IL17RA: variants seen among roughly 807,000 people sequenced by gnomAD.
IL17RA encodes interleukin 17 receptor A.
A neutral mutation model predicts 50.4 loss-of-function variants in IL17RA; 34 were observed. The observed-to-expected ratio is 0.67, with a 90% CI of 0.51 to 0.90. The LOEUF is 0.90. Among genes scored for constraint, IL17RA ranks in the 40% least tolerant of loss-of-function variants. The probability of loss-of-function intolerance (pLI) is 0.00; values close to 1 mark genes in which losing one functional copy is unlikely to be tolerated. For missense variants in IL17RA, 1,276 were observed against 1,169.8 expected, an observed-to-expected ratio of 1.09 and a Z score of -1.32; for synonymous variants, 585 against 510.4, an observed-to-expected ratio of 1.15 and a Z score of -1.97.
chr22:17,113,005 T>C lies in IL17RA; in HGVS notation c.*3185T>C, dbSNP rs921128886. On this transcript the variant is annotated 3_prime_UTR_variant, in exon 13 of 13. Transcript: ENST00000319363. ...TTGATCCTAGTTTTTTTTTTGTTTT[T>C]TTTTTTTTTAAGGAATAATTACTTT... 4.6e-5 allele frequency: 7 copies of C among 151,850 alleles called. No homozygotes were observed. Among genetic ancestry groups the C allele is most frequent in the Non-Finnish European group, 8.8e-5 (6 of 67,974 alleles). 9.4% of individuals were successfully genotyped at this position (151,850 alleles called of 1,614,324 possible). A position where few individuals can be genotyped will look rare whatever the true frequency, so the allele number is the denominator to read the frequency against.
chr22:17,113,543 A>T lies in IL17RA; in HGVS notation c.*3723A>T, dbSNP rs2061454017. ...ATTAAATAGGGCATAAGAGAGAAGA[A>T]GATGTACTTACAATGCAGTGGGTGG... On this transcript the variant is annotated 3_prime_UTR_variant, in exon 13 of 13. Coordinates refer to ENST00000319363, the MANE Select transcript of IL17RA (RefSeq NM_014339.7). The T allele has an allele frequency of 6.6e-6, 1 of 152,292 alleles. No homozygotes were observed. The highest frequency in any genetic ancestry group is 1.5e-5 in the Non-Finnish European group (1 of 68,070). The allele number at this position is 152,292 out of a possible 1,614,324, so 9.4% of individuals were successfully genotyped here.
intron 4 of IL17RA, 22 bp downstream of exon 4, chr22:17,098,909 G>A (rs749826619): frequency 1.9e-6 from 3 of 1,581,148 alleles, no homozygotes; most frequent in Non-Finnish European, 1.7e-6. Context: ...GCTCCTGAGT[G>A]GATTATGTTC....
At position 17,109,583 on chromosome 22, in the gene IL17RA, G is replaced by A; in HGVS notation, c.2364G>A (p.Gln788=). Residue 788 remains glutamine, a synonymous_variant, in exon 13 of 13, where the codon CAG becomes CAA. Transcript: ENST00000319363. Reference sequence around the variant, plus strand: ...CGCCCTACGAGGAGGAGCAGCGGCAGTCAGTGCAGTCTGACCAGGGCTACA... The same window carrying A: ...CGCCCTACGAGGAGGAGCAGCGGCAATCAGTGCAGTCTGACCAGGGCTACA... ...PHTPYEEEQR[Q]SVQSDQGYIS... is the part of the protein sequence containing the mutation. The A allele has an allele frequency of 6.2e-7, 1 of 1,601,584 alleles. No homozygotes were observed. The highest frequency in any genetic ancestry group is 8.5e-7 in the Non-Finnish European group (1 of 1,174,276).
At chr22:17,098,716 C>G (rs1218347461) in intron 3 of IL17RA, 59 bp from the exon 4 acceptor site, 10 of 1,379,620 alleles carry the variant, frequency 7.2e-6, no homozygotes, top group Non-Finnish European at 1.0e-5. Context: ...AAGTGACACA[C>G]CCAGCACTTG....
Position 17,108,441 on chromosome 22 carries a change from A to T in IL17RA, c.1222A>T (p.Thr408Ser), listed in dbSNP as rs142092933. Residue 408 changes from threonine to serine, a missense_variant, in exon 13 of 13, where the codon ACG (threonine) becomes TCG (serine). Thr to Ser is a moderately conservative substitution (Grantham distance 58). Transcript: ENST00000319363. ...FAQFLLTACG[T>S]EVALDLLEEQ... ...CCAGTTCCTGCTCACCGCCTGCGGC[A>T]CGGAAGTGGCCCTGGACCTGCTGGA... 14 of 1,613,892 alleles carry T rather than the reference A, an allele frequency of 8.7e-6. No homozygotes were observed. Among genetic ancestry groups the T allele is most frequent in the Non-Finnish European group, 1.2e-5 (14 of 1,180,024 alleles).
At chr22:17,088,171 G>A (rs989756011) in intron 1 of IL17RA, among the ~76,000 whole-genome samples, 7 of 152,176 alleles carry the variant, frequency 4.6e-5, no homozygotes, top group African/African-American at 1.7e-4. Context: ...AGCAGGCTGT[G>A]CTTGTAAGTT....
chr22:17,108,169 A>G (rs958840440), intron 12 of IL17RA, 138 bp from the exon 13 acceptor site: 4 of 823,348 alleles, frequency 4.9e-6, no homozygotes, highest in African/African-American at 3.5e-5. Context: ...GGTTTTTCCA[A>G]CAGGCCTCAG....
chr22:17,105,719 G>GA (rs201611352), intron 10 of IL17RA, 117 bp downstream of exon 10: 44 of 1,371,364 alleles, frequency 3.2e-5, no homozygotes, highest in Middle Eastern at 2.1e-4. Context: ...CCAGCCCGGG[G>GA]TGGGGGGTGA....
chr22:17,094,595 C>T (rs1192240643), intron 1 of IL17RA, among the ~76,000 whole-genome samples: 1 of 142,236 alleles, frequency 7.0e-6, no homozygotes, highest in African/African-American at 2.6e-5. Context: ...GTGCCCTTTG[C>T]CCCCAGCAAA....
intron 1 of IL17RA, among the ~76,000 whole-genome samples, chr22:17,090,180 G>A (rs1296464919): frequency 1.3e-5 from 2 of 152,092 alleles, no homozygotes; most frequent in Non-Finnish European, 1.5e-5. Flanking sequence ...ACGCCTCCAT[G>A]CCTGGCTAAT....
At position 17,110,917 on chromosome 22, in the gene IL17RA, C is replaced by T. The variant is rs923091249; in HGVS notation, c.*1097C>T. The T allele has an allele frequency of 3.3e-5, 5 of 152,426 alleles. No individual in the cohort carries two copies. Among genetic ancestry groups the T allele is most frequent in the East Asian group, 1.9e-4 (1 of 5,184 alleles). 9.4% of individuals were successfully genotyped at this position (152,426 alleles called of 1,614,324 possible). On this transcript the variant is annotated 3_prime_UTR_variant, in exon 13 of 13. Transcript: ENST00000319363. Reference sequence around the variant, plus strand: ...AGGCACCCAGGTCAGGGGGGATCCCCGAGGAGATGCCTGAGCTGAAGGATT... The same window carrying T: ...AGGCACCCAGGTCAGGGGGGATCCCTGAGGAGATGCCTGAGCTGAAGGATT...
intron 1 of IL17RA, among the ~76,000 whole-genome samples, chr22:17,087,872 TAC>T (rs986277535): frequency 1.1e-4 from 17 of 152,226 alleles, no homozygotes; most frequent in Non-Finnish European, 1.9e-4. Context: ...TGTATTTCAT[TAC>T]AGAGTCTTTT....
In IL17RA at chr22:17,114,004, T is replaced by C. The variant is rs2061456642; in HGVS notation, c.*4184T>C. ...ATTAGGTATTGCTCTCTTCCTCCGG[T>C]GTTTGCCTTTTCAGATTATAGAAGT... On this transcript the variant is annotated 3_prime_UTR_variant, in exon 13 of 13. Transcript: ENST00000319363. 6.6e-6 allele frequency: 1 copy of C among 152,172 alleles called. No individual in the cohort carries two copies. Among genetic ancestry groups the C allele is most frequent in the Non-Finnish European group, 1.5e-5 (1 of 68,028 alleles). The allele number at this position is 152,172 out of a possible 1,614,324, so 9.4% of individuals were successfully genotyped here. A position where few individuals can be genotyped will look rare whatever the true frequency, so the allele number is the denominator to read the frequency against.
At position 17,110,862 on chromosome 22, in the gene IL17RA, C is replaced by G. The variant is rs796206393; in HGVS notation, c.*1042C>G. 13 of 152,638 alleles carry G rather than the reference C, an allele frequency of 8.5e-5. No homozygotes were observed. The highest frequency in any genetic ancestry group is 2.9e-4 in the African/African-American group (12 of 41,566). The allele number at this position is 152,638 out of a possible 1,614,324, so 9.5% of individuals were successfully genotyped here. ...AAAAAGTAGAAAGATGGAGTGGAAGCCTGCCCAGGGTTGTGAGCATGCACG... is the reference window on the plus strand; with the variant it reads ...AAAAAGTAGAAAGATGGAGTGGAAGGCTGCCCAGGGTTGTGAGCATGCACG... On this transcript the variant is annotated 3_prime_UTR_variant, in exon 13 of 13. Transcript: ENST00000319363.
In IL17RA at chr22:17,108,622, G is replaced by A. The variant is rs768702255; in HGVS notation, c.1403G>A (p.Arg468His). The change falls in exon 13 of 13, where the codon CGC (arginine) becomes CAC (histidine). Residue 468 changes from arginine (R) to histidine (H), a missense_variant. Arg to His is a conservative substitution (Grantham distance 29). Transcript: ENST00000319363. ...LLGRGAPVRLRCDHGKPVGDL... is the reference protein window; with the variant it reads ...LLGRGAPVRLHCDHGKPVGDL... Reference sequence around the variant, plus strand: ...GGCCGGGGGGCGCCTGTGCGGCTGCGCTGCGACCACGGAAAGCCCGTGGGG... The same window carrying A: ...GGCCGGGGGGCGCCTGTGCGGCTGCACTGCGACCACGGAAAGCCCGTGGGG... 4 of 1,604,586 alleles carry A rather than the reference G, an allele frequency of 2.5e-6. No homozygotes were observed. Among genetic ancestry groups the A allele is most frequent in the East Asian group, 4.5e-5 (2 of 44,866 alleles).
At chr22:17,091,952 C>A (rs1420733019) in intron 1 of IL17RA, among the ~76,000 whole-genome samples, 2 of 152,136 alleles carry the variant, frequency 1.3e-5, no homozygotes, top group South Asian at 2.1e-4. Context: ...AAAATTGTAT[C>A]TTTTATATAC....
At chr22:17,089,081 C>T (rs1443727696) in intron 1 of IL17RA, among the ~76,000 whole-genome samples, 1 of 152,112 alleles carries the variant, frequency 6.6e-6, no homozygotes, top group African/African-American at 2.4e-5. Flanking sequence ...CAAGCGTGAG[C>T]CAATGCGCCT....
intron 3 of IL17RA, among the ~76,000 whole-genome samples, chr22:17,098,292 G>A (rs1568918766): frequency 6.6e-6 from 1 of 152,186 alleles, no homozygotes; most frequent in Non-Finnish European, 1.5e-5. Flanking sequence ...GAATTTAGGG[G>A]CCAGCACTTT....
intron 1 of IL17RA, among the ~76,000 whole-genome samples, chr22:17,091,943 A>G (rs1259591642): frequency 6.6e-6 from 1 of 152,146 alleles, no homozygotes; most frequent in East Asian, 1.9e-4. Flanking sequence ...AGAATCTCCA[A>G]AATTGTATCT....
Sources: allele counts gnomAD v4.1 joint callset (sites outside exome capture counted in the v4.1 genomes callset), GRCh38; gene constraint gnomAD v4.1.1; transcripts MANE v1.5; gene names NCBI Gene and HGNC (gene_info 2026-07-23, HGNC 2026-07-21).